ST13: variants seen among roughly 807,000 people sequenced by gnomAD.
ST13 encodes ST13 Hsp70 interacting protein.
ST13 carries 23 observed loss-of-function variants against 56.7 expected under a neutral mutation model. The ratio of observed to expected loss-of-function variants is 0.41; its 90% CI spans 0.29 to 0.57. The LOEUF is 0.57. Among genes scored for constraint, ST13 ranks in the 20% least tolerant of loss-of-function variants. ST13 has a pLI of 0.36. For synonymous variants in ST13, 132 were observed against 142.4 expected (o/e 0.93, Z 0.52); for missense variants, 369 against 459.9 (o/e 0.80, Z 1.81).
At chr22:40,840,507 G>A in intron 5 of ST13, 119 bp downstream of exon 5, 1 of 796,458 alleles carries the variant, frequency 1.3e-6, no homozygotes, top group Non-Finnish European at 2.0e-6. Context: ...TGGATAATAG[G>A]ACACTATCTT....
rs550499866 is a variant in ST13 at position 40,836,634 on chromosome 22, A to C, written c.383-747T>G. ...TTTAAAAGAAAACAACAATATGCTT[A>C]TTATTTGAATTCAAAGAAATGGTAC... On this transcript the variant is annotated intron_variant, in intron 5 of 11. Coordinates refer to ENST00000216218, the MANE Select transcript of ST13 (RefSeq NM_003932.5). Among the ~76,000 whole-genome samples the C allele has an allele frequency of 4.6e-4, 70 of 152,332 alleles. 1 individual carries two copies. The South Asian group carries it at 0.012, about 26-fold the overall frequency.
intron 5 of ST13, among the ~76,000 whole-genome samples, chr22:40,837,200 A>C (rs796534336): frequency 9.2e-5 from 14 of 152,324 alleles, no homozygotes; most frequent in African/African-American, 3.4e-4. Context: ...AACTCACAAA[A>C]ACAACACAGA....
Position 40,856,546 on chromosome 22 carries a change from G to T in ST13, c.-6C>A. The stretch of plus-strand genomic sequence containing the variant: ...TTCACTTTGCGGGGGTCCATGGTAG[G>T]GAGGTGGTGGGCGAAACTGGGGGGG... On this transcript the variant is annotated 5_prime_UTR_variant, in exon 1 of 12. Transcript: ENST00000216218. The T allele has an allele frequency of 6.2e-7, 1 of 1,610,918 alleles. No homozygotes were observed. The highest frequency in any genetic ancestry group is 1.7e-5 in the Admixed American group (1 of 60,010).
At position 40,827,160 on chromosome 22, in the gene ST13, C is replaced by G; in HGVS notation, c.917G>C (p.Gly306Ala). Residue 306 changes from glycine (G) to alanine (A), a missense_variant, in exon 11 of 12, where the codon GGA (glycine) becomes GCA (alanine). Physicochemically the swap from Gly to Ala is moderately conservative, Grantham distance 60. Transcript: ENST00000216218. The part of the protein sequence containing the change: ...GMPGMGGGMP[G>A]MAGMPGLNEI... ...ATTGAGTCCAGGCATTCCAGCCATT[C>G]CAGGCATGCCCCCTCCCATTCCAGG... The G allele has an allele frequency of 6.2e-7, 1 of 1,612,628 alleles. No homozygotes were observed. The highest frequency in any genetic ancestry group is 8.5e-7 in the Non-Finnish European group (1 of 1,179,988).
rs758780396 is a variant in ST13 at position 40,856,572 on chromosome 22, C to G, written c.-32G>C. 101 of 1,581,430 alleles carry G rather than the reference C, an allele frequency of 6.4e-5. No individual in the cohort carries two copies. The highest frequency in any genetic ancestry group is 6.2e-4 in the Admixed American group (37 of 59,928). On this transcript the variant is annotated 5_prime_UTR_variant, in exon 1 of 12. Transcript: ENST00000216218. ...GAGGTGGTGGGCGAAACTGGGGGGG[C>G]TACGGCCCGGTTCCAGGCCCAGGCG... is the stretch of plus-strand genomic sequence containing the variant.
At chr22:40,846,294 T>C (rs1226119537) in intron 3 of ST13, among the ~76,000 whole-genome samples, 1 of 152,202 alleles carries the variant, frequency 6.6e-6, no homozygotes, top group Non-Finnish European at 1.5e-5. Context: ...ATGAAATGAT[T>C]CTCACCCATC....
chr22:40,847,694 CAT>C (rs1601471732), intron 3 of ST13, among the ~76,000 whole-genome samples: 1 of 151,864 alleles, frequency 6.6e-6, no homozygotes. Flanking sequence ...AGGGGTGCCA[CAT>C]GTGTAAAATA....
intron 1 of ST13, among the ~76,000 whole-genome samples, chr22:40,852,424 CTT>C (rs1256228010): frequency 6.6e-6 from 1 of 152,164 alleles, no homozygotes; most frequent in East Asian, 1.9e-4. Context: ...CATATGAACC[CTT>C]TGTCAGCTTT....
At chr22:40,841,177 G>A (rs1417252540) in intron 4 of ST13, among the ~76,000 whole-genome samples, 8 of 150,620 alleles carry the variant, frequency 5.3e-5, no homozygotes, top group Non-Finnish European at 1.0e-4. Context: ...GGGCAACAGA[G>A]GGCGATCCCA....
At chr22:40,841,504 G>A (rs532677373) in intron 4 of ST13, among the ~76,000 whole-genome samples, 82 of 152,230 alleles carry the variant, frequency 5.4e-4, no homozygotes, top group African/African-American at 1.9e-3. Flanking sequence ...GGGAGGCTGA[G>A]GCAGGTAGAT....
At chr22:40,834,332 C>T (rs1223874296) in intron 7 of ST13, among the ~76,000 whole-genome samples, 1 of 152,082 alleles carries the variant, frequency 6.6e-6, no homozygotes, top group South Asian at 2.1e-4. Flanking sequence ...AACCTTCAAA[C>T]TTTACTTAGA....
chr22:40,852,810 G>C (rs1257061373), intron 1 of ST13, among the ~76,000 whole-genome samples: 1 of 152,274 alleles, frequency 6.6e-6, no homozygotes, highest in African/African-American at 2.4e-5. Flanking sequence ...TTGCAAAAGA[G>C]CACAGTAATC....
At position 40,849,394 on chromosome 22, in the gene ST13, C is replaced by T. The variant is rs537942804; in HGVS notation, c.169-1025G>A. Among the ~76,000 whole-genome samples the T allele has an allele frequency of 4.5e-4, 66 of 146,108 alleles. 1 individual carries two copies. The highest frequency in any genetic ancestry group is 1.1e-3 in the South Asian group (5 of 4,524). ...TCAGGAAGCTGAGGCAGGAGAAGGG[C>T]GTGAACCTGGGAGGCAGAGCTTGCA... is the stretch of plus-strand genomic sequence containing the variant. On this transcript the variant is annotated intron_variant, in intron 2 of 11. Transcript: ENST00000216218.
At chr22:40,844,976 T>C in intron 3 of ST13, 67 bp from the exon 4 acceptor site, 10 of 1,107,022 alleles carry the variant, frequency 9.0e-6, no homozygotes, top group South Asian at 4.4e-5. Flanking sequence ...CCCAAGATTA[T>C]TAAAAACTGA....
intron 8 of ST13, among the ~76,000 whole-genome samples, chr22:40,831,416 A>C (rs1287609621): frequency 2.0e-5 from 3 of 152,230 alleles, no homozygotes; most frequent in African/African-American, 7.2e-5. Context: ...AAAATGGGAG[A>C]GGAAGAAATA....
In ST13 at chr22:40,850,865, T is replaced by C; in HGVS notation, c.126A>G (p.Val42=). Residue 42 remains valine, a synonymous_variant, in exon 2 of 12, where the codon GTA becomes GTG. Transcript: ENST00000216218. ...ATTTAGCTTTCTGAGTAGCAGGTGG[T>C]ACTTTACCACCCATGCTTGAAGAAG... is the stretch of plus-strand genomic sequence containing the variant. ...REWVESMGGK[V]PPATQKAKSE... The C allele has an allele frequency of 6.2e-7, 1 of 1,601,768 alleles. No individual in the cohort carries two copies. The highest frequency in any genetic ancestry group is 1.8e-5 in the Admixed American group (1 of 55,972).
intron 1 of ST13, 110 bp downstream of exon 1, chr22:40,856,321 A>G (rs2057894851): frequency 2.1e-6 from 2 of 937,412 alleles, no homozygotes; most frequent in Non-Finnish European, 3.4e-6. Flanking sequence ...TCCCGGGCAA[A>G]GAAGGGGCAG....
chr22:40,847,631 A>G (rs1474809138), intron 3 of ST13, among the ~76,000 whole-genome samples: 1 of 152,146 alleles, frequency 6.6e-6, no homozygotes, highest in Non-Finnish European at 1.5e-5. Context: ...TTTTTCTAAT[A>G]CAAACATTAT....
chr22:40,848,919 TAAAC>T (rs1465377000), intron 2 of ST13, among the ~76,000 whole-genome samples: 2 of 152,114 alleles, frequency 1.3e-5, no homozygotes, highest in Non-Finnish European at 2.9e-5. Flanking sequence ...ATTACAATAA[TAAAC>T]AATGAAAATT....
Sources: gnomAD v4.1 joint callset for allele counts (sites outside exome capture counted in the v4.1 genomes callset) on GRCh38, gnomAD v4.1.1 for gene constraint, MANE v1.5 for transcripts, NCBI Gene and HGNC (gene_info 2026-07-23, HGNC 2026-07-21) for gene names.